Variants in KHDRBS2 observed in about 807,000 individuals in gnomAD.
The protein encoded by KHDRBS2 is KH RNA binding domain containing, signal transduction associated 2, also known as KH domain-containing, RNA-binding, signal transduction-associated protein 2.
KHDRBS2 carries 26 observed loss-of-function variants against 44.3 expected under a neutral mutation model. The ratio of observed to expected loss-of-function variants is 0.59; its 90% CI spans 0.43 to 0.81. The LOEUF is 0.81. Ranked by LOEUF, KHDRBS2 falls within the 40% of genes least tolerant of loss-of-function variation. The probability of loss-of-function intolerance (pLI) is 0.00; values close to 1 mark genes in which losing one functional copy is unlikely to be tolerated. For synonymous variants in KHDRBS2, 194 were observed against 151.1 expected (o/e 1.28, Z -2.08); for missense variants, 476 against 433.1 (o/e 1.10, Z -0.88).
At position 61,998,562 on chromosome 6, in the gene KHDRBS2, T is replaced by G. The variant is rs567399763; in HGVS notation, c.337-20350A>C. 4.6e-5 allele frequency among the ~76,000 whole-genome samples: 7 copies of G among 152,256 alleles called. No individual in the cohort carries two copies. The South Asian group carries it at 1.4e-3, about 32-fold the overall frequency. On this transcript the variant is annotated intron_variant, in intron 3 of 8. Coordinates refer to ENST00000281156, the MANE Select transcript of KHDRBS2 (RefSeq NM_152688.4). ...GGAAAACACGTTTTCTTCTTTATCT[T>G]TATTTTTGGAGGTCACTTTAAACCA...
chr6:61,631,806 G>A, the KHDRBS2 span, among the ~76,000 whole-genome samples: 2 of 151,996 alleles, frequency 1.3e-5, no homozygotes, highest in South Asian at 2.1e-4. Context: ...AACACAAATC[G>A]TCTGAATGTG....
At chr6:62,075,895 A>ATCTC (rs3884304) in intron 2 of KHDRBS2, among the ~76,000 whole-genome samples, 74,626 of 147,752 alleles carry the variant, frequency 0.51, 18,974 homozygotes, top group Non-Finnish European at 0.55. Flanking sequence ...ATCTCTCCCT[A>ATCTC]TCTCTCTCTC....
chr6:61,791,330 G>T (rs1284547770), intron 6 of KHDRBS2, among the ~76,000 whole-genome samples: 5 of 150,638 alleles, frequency 3.3e-5, no homozygotes, highest in Non-Finnish European at 7.4e-5. Flanking sequence ...ATATTTGCTT[G>T]GCTCCTTAAA....
chr6:62,139,870 A>G (rs1358887508), intron 2 of KHDRBS2, among the ~76,000 whole-genome samples: 1 of 152,100 alleles, frequency 6.6e-6, no homozygotes, highest in Non-Finnish European at 1.5e-5. Flanking sequence ...ATGCTTTGCT[A>G]CTGCCACCTC....
intron 6 of KHDRBS2, among the ~76,000 whole-genome samples, chr6:61,775,891 T>C (rs1450749534): frequency 2.0e-5 from 3 of 152,148 alleles, no homozygotes; most frequent in Admixed American, 1.3e-4. Flanking sequence ...ACTTCAAATA[T>C]ACTACAAGGC....
At chr6:61,893,664 C>T (rs1002012959) in intron 6 of KHDRBS2, among the ~76,000 whole-genome samples, 1 of 152,100 alleles carries the variant, frequency 6.6e-6, no homozygotes. Flanking sequence ...AAACCAAACA[C>T]CGCATGTTCT....
At chr6:61,780,413 C>T (rs1462005318) in intron 6 of KHDRBS2, among the ~76,000 whole-genome samples, 4 of 152,012 alleles carry the variant, frequency 2.6e-5, no homozygotes, top group East Asian at 1.9e-4. Context: ...GGTGGGAGGA[C>T]GGCTTGAGCC....
chr6:61,619,362 G>A, the KHDRBS2 span, among the ~76,000 whole-genome samples: 2 of 148,656 alleles, frequency 1.3e-5, no homozygotes, highest in African/African-American at 4.9e-5. Context: ...TACAGTTTTT[G>A]ATTTTCCATT....
At chr6:61,631,719 C>T in the KHDRBS2 span, among the ~76,000 whole-genome samples, 3,734 of 152,096 alleles carry the variant, frequency 0.025, 71 homozygotes, top group Middle Eastern at 0.088. Flanking sequence ...GAAATGGAGA[C>T]GTAAGTTAGT....
At chr6:61,880,906 G>T (rs1260153672) in intron 6 of KHDRBS2, among the ~76,000 whole-genome samples, 6 of 151,826 alleles carry the variant, frequency 4.0e-5, no homozygotes, top group African/African-American at 1.5e-4. Flanking sequence ...GAAAACTAGG[G>T]TCCTTCATTT....
chr6:61,816,951 T>G (rs1789052109), intron 6 of KHDRBS2: 1 of 455,716 alleles, frequency 2.2e-6, no homozygotes, highest in Admixed American at 2.4e-5. Flanking sequence ...TTGAGACAAC[T>G]TACCTGGTGA....
intron 1 of KHDRBS2, among the ~76,000 whole-genome samples, chr6:62,187,264 C>T (rs1207302328): frequency 6.6e-6 from 1 of 152,062 alleles, no homozygotes; most frequent in African/African-American, 2.4e-5. Context: ...TCCAATTGTA[C>T]AGCAAGGAAA....
intron 7 of KHDRBS2, among the ~76,000 whole-genome samples, chr6:61,701,055 G>A (rs1768573437): frequency 6.6e-6 from 1 of 151,642 alleles, no homozygotes; most frequent in African/African-American, 2.4e-5. Flanking sequence ...GAGGGTGGTG[G>A]GTGCAAAGAA....
intron 2 of KHDRBS2, among the ~76,000 whole-genome samples, chr6:62,151,541 C>A (rs577502294): frequency 1.3e-5 from 2 of 152,178 alleles, no homozygotes; most frequent in East Asian, 1.9e-4. Flanking sequence ...CCCAAAAAAA[C>A]CCCACCACAA....
intron 6 of KHDRBS2, among the ~76,000 whole-genome samples, chr6:61,768,375 G>A (rs1470750516): frequency 6.6e-6 from 1 of 151,972 alleles, no homozygotes; most frequent in Non-Finnish European, 1.5e-5. Flanking sequence ...TCACCTTCTT[G>A]TCCTTAAATA....
chr6:61,622,596 A>G, the KHDRBS2 span, among the ~76,000 whole-genome samples: 2 of 152,226 alleles, frequency 1.3e-5, no homozygotes, highest in African/African-American at 4.8e-5. Context: ...AGCAAAGACC[A>G]TAGGGGATAA....
At chr6:62,088,720 C>CA (rs760724835) in intron 2 of KHDRBS2, among the ~76,000 whole-genome samples, 2 of 152,302 alleles carry the variant, frequency 1.3e-5, no homozygotes, top group East Asian at 1.9e-4. Flanking sequence ...CTTGAGAAGG[C>CA]AGTCTGCACC....
intron 2 of KHDRBS2, among the ~76,000 whole-genome samples, chr6:62,157,138 G>A (rs1192432162): frequency 2.0e-5 from 3 of 151,402 alleles, no homozygotes; most frequent in African/African-American, 7.3e-5. Flanking sequence ...GGCGGATCAC[G>A]AGGTCAAGTG....
chr6:62,183,206 G>GGCTCATATT (rs1267678553), intron 1 of KHDRBS2, among the ~76,000 whole-genome samples: 1 of 151,560 alleles, frequency 6.6e-6, no homozygotes, highest in East Asian at 1.9e-4. Flanking sequence ...ACATTGTTGA[G>GGCTCATATT]GCTCATATTT....
Sources: gnomAD v4.1 joint callset for allele counts (sites outside exome capture counted in the v4.1 genomes callset) on GRCh38, gnomAD v4.1.1 for gene constraint, MANE v1.5 for transcripts, NCBI Gene and HGNC (gene_info 2026-07-23, HGNC 2026-07-21) for gene names.